Variants in NAALADL2 observed in about 807,000 individuals in gnomAD.
NAALADL2 encodes the protein N-acetylated alpha-linked acidic dipeptidase like 2.
Under a neutral mutation model 87.2 loss-of-function variants are expected in NAALADL2, and 76 were observed. That is an observed-to-expected ratio of 0.87 (90% CI 0.72 to 1.05). The LOEUF (loss-of-function observed/expected upper bound fraction) is 1.05, where lower values mean the gene tolerates loss of function less well. NAALADL2 is among the 50% of genes least tolerant of loss of function. The probability of loss-of-function intolerance (pLI) is 0.00; values close to 1 mark genes in which losing one functional copy is unlikely to be tolerated. For synonymous variants in NAALADL2, 354 were observed against 331.0 expected, an observed-to-expected ratio of 1.07 and a Z score of -0.75; for missense variants, 1,089 against 945.8, an observed-to-expected ratio of 1.15 and a Z score of -1.99.
chr3:175,530,138 CA>C (rs1225894785), intron 9 of NAALADL2, among the ~76,000 whole-genome samples: 1 of 152,142 alleles, frequency 6.6e-6, no homozygotes, highest in Non-Finnish European at 1.5e-5. Flanking sequence ...CGGGCGATGA[CA>C]GGGGTGGCTG....
Position 175,409,017 on chromosome 3 carries a change from A to C in NAALADL2, c.1091-38212A>C, listed in dbSNP as rs191401606. Reference sequence around the variant, plus strand: ...CACATATCTTTGTCCAACTCAACTTAATTTTCCATCTAGTTTATATTACAT... The same window carrying C: ...CACATATCTTTGTCCAACTCAACTTCATTTTCCATCTAGTTTATATTACAT... On this transcript the variant is annotated intron_variant, in intron 5 of 13. Transcript: ENST00000454872. 2.0e-5 allele frequency among the ~76,000 whole-genome samples: 3 copies of C among 152,010 alleles called. No homozygotes were observed. The East Asian group carries it at 5.8e-4, about 29-fold the overall frequency.
At chr3:175,129,688 A>G (rs1251774546) in intron 2 of NAALADL2, among the ~76,000 whole-genome samples, 1 of 152,198 alleles carries the variant, frequency 6.6e-6, no homozygotes, top group African/African-American at 2.4e-5. Flanking sequence ...ATGTATATGT[A>G]TATATCTTAC....
At chr3:174,945,171 A>G (rs947410996) in intron 1 of NAALADL2, among the ~76,000 whole-genome samples, 1 of 152,198 alleles carries the variant, frequency 6.6e-6, no homozygotes, top group African/African-American at 2.4e-5. Flanking sequence ...AAAAAGAGGT[A>G]TACCAGAATT....
At chr3:174,490,292 A>G (rs1450307280) in intron 1 of NAALADL2, among the ~76,000 whole-genome samples, 1 of 152,114 alleles carries the variant, frequency 6.6e-6, no homozygotes, top group African/African-American at 2.4e-5. Flanking sequence ...CCTGGAAAAA[A>G]TAGCCACAAA....
intron 3 of NAALADL2, among the ~76,000 whole-genome samples, chr3:174,798,976 C>G (rs1718473187): frequency 6.6e-6 from 1 of 152,106 alleles, no homozygotes; most frequent in African/African-American, 2.4e-5. Context: ...TCAAGACCAG[C>G]CTGGTCAATA....
intron 2 of NAALADL2, among the ~76,000 whole-genome samples, chr3:175,159,864 T>C (rs1354018959): frequency 6.6e-6 from 1 of 151,674 alleles, no homozygotes; most frequent in East Asian, 1.9e-4. Flanking sequence ...TTTCTCAGAG[T>C]CTTGCTCTGT....
chr3:174,906,528 G>A (rs1205207376), intron 1 of NAALADL2, among the ~76,000 whole-genome samples: 1 of 152,092 alleles, frequency 6.6e-6, no homozygotes, highest in African/African-American at 2.4e-5. Flanking sequence ...GGCCTACATG[G>A]CAAGGATTTG....
intron 11 of NAALADL2, among the ~76,000 whole-genome samples, chr3:175,705,812 A>G (rs992473632): frequency 1.1e-4 from 16 of 152,126 alleles, no homozygotes; most frequent in Non-Finnish European, 2.1e-4. Flanking sequence ...ACCCAGACCC[A>G]GATCATCTCA....
At chr3:175,017,938 T>G (rs1174789231) in intron 1 of NAALADL2, among the ~76,000 whole-genome samples, 2 of 152,024 alleles carry the variant, frequency 1.3e-5, no homozygotes, top group African/African-American at 4.8e-5. Context: ...AGTTCATTAC[T>G]GCAGGAAATC....
intron 1 of NAALADL2, among the ~76,000 whole-genome samples, chr3:174,871,358 T>A (rs976288806): frequency 6.6e-6 from 1 of 152,222 alleles, no homozygotes; most frequent in Non-Finnish European, 1.5e-5. Flanking sequence ...GAGAAAATTA[T>A]TCTTGTTACA....
chr3:175,020,515 C>T (rs1751433561), intron 1 of NAALADL2, among the ~76,000 whole-genome samples: 1 of 151,974 alleles, frequency 6.6e-6, no homozygotes, highest in Non-Finnish European at 1.5e-5. Flanking sequence ...CATGGCACCA[C>T]CATTCTCCCC....
intron 5 of NAALADL2, among the ~76,000 whole-genome samples, chr3:175,411,537 C>G (rs1713518851): frequency 6.6e-6 from 1 of 151,878 alleles, no homozygotes; most frequent in Non-Finnish European, 1.5e-5. Context: ...AATTGGGAGA[C>G]CTCCAACTTG....
chr3:174,455,379 A>G (rs767256370), intron 1 of NAALADL2, among the ~76,000 whole-genome samples: 1 of 152,192 alleles, frequency 6.6e-6, no homozygotes, highest in Non-Finnish European at 1.5e-5. Flanking sequence ...AACTCATTCC[A>G]TGAGACCAGC....
chr3:174,953,514 T>C lies in NAALADL2; in HGVS notation c.43+94064T>C, dbSNP rs192784585. Among the ~76,000 whole-genome samples, 527 of 151,902 alleles carry C rather than the reference T, an allele frequency of 3.5e-3. 1 individual carries two copies. Among genetic ancestry groups the C allele is most frequent in the Middle Eastern group, 0.01 (3 of 294 alleles). ...TAAGATGTGTTTTCATGGTGTCCCC[T>C]TACAGATATTTTGATGGAAGTCATT... On this transcript the variant is annotated intron_variant, in intron 1 of 13. Coordinates refer to ENST00000454872, the MANE Select transcript of NAALADL2 (RefSeq NM_207015.3).
At chr3:174,498,826 C>T (rs1429269387) in intron 1 of NAALADL2, among the ~76,000 whole-genome samples, 5 of 151,726 alleles carry the variant, frequency 3.3e-5, no homozygotes, top group African/African-American at 4.8e-5. Flanking sequence ...ATGTGCATTT[C>T]CCTAATGATT....
intron 1 of NAALADL2, among the ~76,000 whole-genome samples, chr3:175,001,287 T>G (rs1243934682): frequency 6.6e-6 from 1 of 152,206 alleles, no homozygotes; most frequent in Non-Finnish European, 1.5e-5. Flanking sequence ...AGCTCTTAGG[T>G]AATGCTAGTG....
intron 1 of NAALADL2, among the ~76,000 whole-genome samples, chr3:175,037,870 A>G (rs1300402271): frequency 6.6e-6 from 1 of 152,134 alleles, no homozygotes; most frequent in Non-Finnish European, 1.5e-5. Context: ...GGTGCTAGAC[A>G]GAGGTACTAC....
chr3:174,904,140 T>G (rs1732679187), intron 1 of NAALADL2, among the ~76,000 whole-genome samples: 1 of 151,746 alleles, frequency 6.6e-6, no homozygotes, highest in Admixed American at 6.6e-5. Context: ...CCTAGAGTAA[T>G]GCAACATATA....
chr3:174,466,455 C>T (rs553730082), intron 1 of NAALADL2, among the ~76,000 whole-genome samples: 13 of 152,220 alleles, frequency 8.5e-5, no homozygotes, highest in Admixed American at 3.3e-4. Flanking sequence ...TGCAATCTCT[C>T]TATGAGTGGC....
Sources: allele counts gnomAD v4.1 joint callset (sites outside exome capture counted in the v4.1 genomes callset), GRCh38; gene constraint gnomAD v4.1.1; transcripts MANE v1.5; gene names NCBI Gene and HGNC (gene_info 2026-07-23, HGNC 2026-07-21).